Variants in CTNNA3 observed in about 807,000 individuals in gnomAD.
CTNNA3 encodes the protein catenin alpha 3.
A neutral mutation model predicts 95.7 loss-of-function variants in CTNNA3; 76 were observed. The ratio of observed to expected loss-of-function variants is 0.79; its 90% confidence interval spans 0.66 to 0.96. CTNNA3 has a LOEUF of 0.96. Ranked by LOEUF, CTNNA3 falls within the 40% of genes least tolerant of loss-of-function variation. The pLI is 0.00. For synonymous variants in CTNNA3, 431 were observed against 374.4 expected, an observed-to-expected ratio of 1.15 and a Z score of -1.74; for missense variants, 1,191 against 1,089.8, an observed-to-expected ratio of 1.09 and a Z score of -1.31.
At position 66,763,341 on chromosome 10, in the gene CTNNA3, C is replaced by CACAGAGAGAGAGAG. The variant is rs371974709; in HGVS notation, c.1281+2922_1281+2923insCTCTCTCTCTCTGT. On this transcript the variant is annotated intron_variant, in intron 9 of 17. Transcript: ENST00000433211. ...ACACACACACACACACACACACACA[C>CACAGAGAGAGAGAG]AGAGAGAGAGAGGGAGAGAGAGAGA... 1.5e-3 allele frequency among the ~76,000 whole-genome samples: 212 copies of CACAGAGAGAGAGAG among 139,198 alleles called. 1 individual carries two copies. The highest frequency in any genetic ancestry group is 5.0e-3 in the East Asian group (23 of 4,606). The allele number at this position is 139,198 out of a possible 152,430, so 91.3% of individuals were successfully genotyped here.
At chr10:66,104,248 C>T (rs1227579803) in intron 13 of CTNNA3, among the ~76,000 whole-genome samples, 2 of 152,192 alleles carry the variant, frequency 1.3e-5, no homozygotes, top group East Asian at 3.9e-4. Flanking sequence ...CAAGTGTTTC[C>T]TAGCCCCCTC....
chr10:66,812,213 G>A (rs1841908062), intron 7 of CTNNA3, among the ~76,000 whole-genome samples: 1 of 152,104 alleles, frequency 6.6e-6, no homozygotes, highest in African/African-American at 2.4e-5. Flanking sequence ...TAAAATCCAT[G>A]CCAGTACTAA....
chr10:67,478,330 T>A (rs1848094742), intron 5 of CTNNA3, among the ~76,000 whole-genome samples: 1 of 152,084 alleles, frequency 6.6e-6, no homozygotes, highest in Admixed American at 6.5e-5. Flanking sequence ...AGATGTATAG[T>A]CCGGTGACTA....
intron 13 of CTNNA3, among the ~76,000 whole-genome samples, chr10:66,147,337 G>A (rs981147028): frequency 6.6e-6 from 1 of 152,066 alleles, no homozygotes; most frequent in African/African-American, 2.4e-5. Context: ...TATAATTCAT[G>A]TTGTTTGTAA....
chr10:67,660,774 A>T (rs1840161872), intron 1 of CTNNA3, among the ~76,000 whole-genome samples: 1 of 152,034 alleles, frequency 6.6e-6, no homozygotes, highest in Non-Finnish European at 1.5e-5. Flanking sequence ...TACTAAAAAT[A>T]CAAAATATTA....
At chr10:66,792,532 A>G (rs148822483) in intron 7 of CTNNA3, among the ~76,000 whole-genome samples, 6 of 152,278 alleles carry the variant, frequency 3.9e-5, no homozygotes, top group Non-Finnish European at 7.4e-5. Context: ...GCAAGGATGT[A>G]GAGTAAGTGG....
chr10:67,155,811 T>C (rs578046323), intron 7 of CTNNA3, among the ~76,000 whole-genome samples: 13 of 152,302 alleles, frequency 8.5e-5, no homozygotes, highest in African/African-American at 3.1e-4. Flanking sequence ...CATTTGTTAC[T>C]GCGTTCAGAA....
intron 5 of CTNNA3, among the ~76,000 whole-genome samples, chr10:67,445,920 C>T (rs767251737): frequency 1.1e-4 from 16 of 152,148 alleles, no homozygotes; most frequent in Non-Finnish European, 1.0e-4. Context: ...GAGAAAGCTT[C>T]ATTTTGTCCT....
At chr10:66,046,574 CAGAT>C (rs1291376866) in intron 15 of CTNNA3, among the ~76,000 whole-genome samples, 1 of 151,702 alleles carries the variant, frequency 6.6e-6, no homozygotes, top group Non-Finnish European at 1.5e-5. Context: ...GAAGCAAAAA[CAGAT>C]AAACCCCAAA....
At chr10:66,861,133 G>A (rs539441872) in intron 7 of CTNNA3, among the ~76,000 whole-genome samples, 23 of 152,256 alleles carry the variant, frequency 1.5e-4, no homozygotes, top group African/African-American at 5.5e-4. Flanking sequence ...ATACTATGAT[G>A]AATACTGAGG....
intron 5 of CTNNA3, among the ~76,000 whole-genome samples, chr10:67,236,373 A>C (rs964982370): frequency 6.6e-6 from 1 of 151,854 alleles, no homozygotes; most frequent in African/African-American, 2.4e-5. Context: ...GACATGGATG[A>C]AATTGGAAAT....
At chr10:66,959,957 AAAC>A (rs1456168954) in intron 7 of CTNNA3, among the ~76,000 whole-genome samples, 1 of 152,156 alleles carries the variant, frequency 6.6e-6, no homozygotes, top group Non-Finnish European at 1.5e-5. Flanking sequence ...GCAACACCTC[AAAC>A]AACAGATCCT....
chr10:67,442,851 T>G (rs994515527), intron 5 of CTNNA3, among the ~76,000 whole-genome samples: 3 of 151,812 alleles, frequency 2.0e-5, no homozygotes, highest in Non-Finnish European at 4.4e-5. Flanking sequence ...ATGTGCAGGT[T>G]AGTTACATAT....
At chr10:66,712,305 T>G (rs1848321469) in intron 9 of CTNNA3, among the ~76,000 whole-genome samples, 1 of 152,130 alleles carries the variant, frequency 6.6e-6, no homozygotes, top group African/African-American at 2.4e-5. Flanking sequence ...CTAGGCAGTT[T>G]AGAATACAGG....
chr10:66,794,858 C>T (rs1375280275), intron 7 of CTNNA3, among the ~76,000 whole-genome samples: 1 of 140,090 alleles, frequency 7.1e-6, no homozygotes, highest in African/African-American at 2.8e-5. Flanking sequence ...AAAGCATCTC[C>T]ACCAGGACTC....
At chr10:67,536,401 C>T (rs1840487764) in intron 4 of CTNNA3, among the ~76,000 whole-genome samples, 1 of 152,086 alleles carries the variant, frequency 6.6e-6, no homozygotes, top group Non-Finnish European at 1.5e-5. Flanking sequence ...TTCACTGTCT[C>T]AGAAAATTGA....
intron 7 of CTNNA3, among the ~76,000 whole-genome samples, chr10:66,906,235 G>A (rs1485736942): frequency 2.0e-5 from 3 of 151,990 alleles, no homozygotes; most frequent in Non-Finnish European, 4.4e-5. Flanking sequence ...AGATATTATG[G>A]GCTTCCTGAT....
intron 7 of CTNNA3, among the ~76,000 whole-genome samples, chr10:66,856,678 C>T (rs956792205): frequency 6.6e-6 from 1 of 152,052 alleles, no homozygotes; most frequent in Non-Finnish European, 1.5e-5. Context: ...AGCATTTCTT[C>T]ATATGCTTGT....
chr10:66,211,882 G>T lies in CTNNA3; in HGVS notation c.1884+68588C>A, dbSNP rs142982847. On this transcript the variant is annotated intron_variant, in intron 13 of 17. Coordinates refer to ENST00000433211, the MANE Select transcript of CTNNA3 (RefSeq NM_013266.4). ...CTCATGTCTACTGTCCCTCTCTATG[G>T]ATGTGATTATGTGGTTCAAGAATTG... Among the ~76,000 whole-genome samples the T allele has an allele frequency of 3.0e-4, 45 of 152,032 alleles. No individual in the cohort carries two copies. The South Asian group carries it at 3.7e-3, about 13-fold the overall frequency.
Sources: allele counts gnomAD v4.1 joint callset (sites outside exome capture counted in the v4.1 genomes callset), GRCh38; gene constraint gnomAD v4.1.1; transcripts MANE v1.5; gene names NCBI Gene and HGNC (gene_info 2026-07-23, HGNC 2026-07-21).